DMP1: variants seen among roughly 807,000 people sequenced by gnomAD.
DMP1 encodes the protein dentin matrix acidic phosphoprotein 1, also known as dentin matrix protein 1.
A neutral mutation model predicts 14.6 loss-of-function variants in DMP1; 20 were observed. The ratio of observed to expected loss-of-function variants is 1.37; its 90% confidence interval spans 0.96 to 1.99. The LOEUF (loss-of-function observed/expected upper bound fraction) is 1.99, where lower values mean the gene tolerates loss of function less well. Among genes scored for constraint, DMP1 ranks in the 30% most tolerant of loss-of-function variants. DMP1 has a pLI of 0.00. For missense variants in DMP1, 567 were observed against 620.5 expected, an observed-to-expected ratio of 0.91 and a Z score of 0.92; for synonymous variants, 197 against 215.3, an observed-to-expected ratio of 0.91 and a Z score of 0.75.
chr4:87,651,325 T>C (rs1409255668), intron 1 of DMP1, among the ~76,000 whole-genome samples: 1 of 152,168 alleles, frequency 6.6e-6, no homozygotes, highest in Non-Finnish European at 1.5e-5. Context: ...ATATTTAATT[T>C]TGGGGGCACC....
Position 87,662,276 on chromosome 4 carries a change from G to A in DMP1, c.498G>A (p.Arg166=), listed in dbSNP as rs201100267. Reference sequence around the variant, plus strand: ...CCCAAGATACCACCAGTGAGAGCAGGGAACTTGACAATGAGGACCGGGTGG... The same window carrying A: ...CCCAAGATACCACCAGTGAGAGCAGAGAACTTGACAATGAGGACCGGGTGG... ...DSAQDTTSES[R]ELDNEDRVDS... The change falls in exon 6 of 6, where the codon AGG becomes AGA. Residue 166 remains arginine, a synonymous_variant. Coordinates refer to ENST00000339673, the MANE Select transcript of DMP1 (RefSeq NM_004407.4). 2 of 1,614,108 alleles carry A rather than the reference G, an allele frequency of 1.2e-6. No individual in the cohort carries two copies. Among genetic ancestry groups the A allele is most frequent in the East Asian group, 4.5e-5 (2 of 44,864 alleles).
At chr4:87,653,474 G>C (rs1223193041) in intron 1 of DMP1, among the ~76,000 whole-genome samples, 2 of 136,020 alleles carry the variant, frequency 1.5e-5, no homozygotes, top group Non-Finnish European at 3.1e-5. Context: ...CACCCAAACA[G>C]GTGTGGAGTG....
At position 87,662,406 on chromosome 4, in the gene DMP1, T is replaced by G. The variant is rs746483833; in HGVS notation, c.628T>G (p.Leu210Val). 1 of 1,613,280 alleles carries G rather than the reference T, an allele frequency of 6.2e-7. No individual in the cohort carries two copies. Among genetic ancestry groups the G allele is most frequent in the Non-Finnish European group, 8.5e-7 (1 of 1,179,820 alleles). The change falls in exon 6 of 6, where the codon TTG (leucine) becomes GTG (valine). Residue 210 changes from leucine to valine, a missense_variant. Physicochemically the swap from Leu to Val is conservative, Grantham distance 32. Coordinates refer to ENST00000339673, the MANE Select transcript of DMP1 (RefSeq NM_004407.4). The stretch of plus-strand genomic sequence containing the variant: ...GAGCAGCCATGGAGACGGCTCCGAG[T>G]TGGACGATGAGGGAATGCAGAGTGA... ...GESSHGDGSELDDEGMQSDDP... is the reference protein window; with the variant it reads ...GESSHGDGSEVDDEGMQSDDP...
rs181490843 is a variant in DMP1, at chr4:87,657,029, T to G, written c.55-3T>G. 1.9e-4 allele frequency: 298 copies of G among 1,534,784 alleles called. No homozygotes were observed. The Middle Eastern group carries it at 9.7e-3, about 50-fold the overall frequency. On this transcript the variant is annotated splice_region_variant and splice_polypyrimidine_tract_variant and intron_variant, in intron 2 of 5. Coordinates refer to ENST00000339673, the MANE Select transcript of DMP1 (RefSeq NM_004407.4). ...GATTTACCATGTGTACTAAATTTTCTAGGTAACCAGGTATCAAAATAATGA... is the reference window on the plus strand; with the variant it reads ...GATTTACCATGTGTACTAAATTTTCGAGGTAACCAGGTATCAAAATAATGA...
intron 1 of DMP1, among the ~76,000 whole-genome samples, chr4:87,653,418 T>C (rs1438521479): frequency 1.7e-5 from 2 of 118,464 alleles, no homozygotes; most frequent in African/African-American, 8.1e-5. Flanking sequence ...TATATATATA[T>C]ATATATATAT....
In DMP1 at chr4:87,664,280, G is replaced by A. The variant is rs964782195; in HGVS notation, c.*960G>A. 8.5e-5 allele frequency: 13 copies of A among 152,594 alleles called. No individual in the cohort carries two copies. Among genetic ancestry groups the A allele is most frequent in the Admixed American group, 2.0e-4 (3 of 15,294 alleles). 9.5% of individuals were successfully genotyped at this position (152,594 alleles called of 1,614,324 possible). Reference sequence around the variant, plus strand: ...AAAATTCTGTATGTAAGATTCAATTGATTTTTGACAAATACCATTTGAAAT... The same window carrying A: ...AAAATTCTGTATGTAAGATTCAATTAATTTTTGACAAATACCATTTGAAAT... On this transcript the variant is annotated 3_prime_UTR_variant, in exon 6 of 6. Coordinates refer to ENST00000339673, the MANE Select transcript of DMP1 (RefSeq NM_004407.4).
rs1204228958 is a variant in DMP1 at position 87,656,488 on chromosome 4, C to A, written c.-5C>A. On this transcript the variant is annotated 5_prime_UTR_variant, in exon 2 of 6. Coordinates refer to ENST00000339673, the MANE Select transcript of DMP1 (RefSeq NM_004407.4). The stretch of plus-strand genomic sequence containing the variant: ...TCATTCCAGGTAGAGGTATCACACC[C>A]AACTATGAAGATCAGCATCCTGCTC... 6.2e-7 allele frequency: 1 copy of A among 1,602,988 alleles called. No homozygotes were observed. Among genetic ancestry groups the A allele is most frequent in the Non-Finnish European group, 8.5e-7 (1 of 1,169,966 alleles).
At chr4:87,652,792 C>T (rs557508333) in intron 1 of DMP1, among the ~76,000 whole-genome samples, 2 of 152,248 alleles carry the variant, frequency 1.3e-5, no homozygotes, top group South Asian at 2.1e-4. Flanking sequence ...TCTGTCAAGG[C>T]TCTAACATTT....
In DMP1 at chr4:87,662,755, C is replaced by A. The variant is rs1400455303; in HGVS notation, c.977C>A (p.Ser326Tyr). ...DSQEDSKENL[S>Y]QEESQNVDGP... ...CAAGAAGACAGCAAGGAGAATCTGT[C>A]CCAGGAAGAGAGCCAAAACGTAGAT... is the stretch of plus-strand genomic sequence containing the variant. Residue 326 changes from serine to tyrosine, a missense_variant, in exon 6 of 6, where the codon TCC (serine) becomes TAC (tyrosine). Physicochemically the swap from Ser to Tyr is moderately radical, Grantham distance 144. Coordinates refer to ENST00000339673, the MANE Select transcript of DMP1 (RefSeq NM_004407.4). 1.2e-6 allele frequency: 2 copies of A among 1,613,878 alleles called. No individual in the cohort carries two copies. The highest frequency in any genetic ancestry group is 3.3e-5 in the Admixed American group (2 of 59,982).
Position 87,664,144 on chromosome 4 carries a change from A to T in DMP1, c.*824A>T, listed in dbSNP as rs886139743. On this transcript the variant is annotated 3_prime_UTR_variant, in exon 6 of 6. Transcript: ENST00000339673. The stretch of plus-strand genomic sequence containing the variant: ...TGATAAGAAGGATTGGGTCAGGAAG[A>T]GTGGGAGAAAGAAATTCCTCTTTAC... The T allele has an allele frequency of 2.0e-5, 3 of 152,352 alleles. No homozygotes were observed. The East Asian group carries it at 5.8e-4, about 29-fold the overall frequency. 9.4% of individuals were successfully genotyped at this position (152,352 alleles called of 1,614,324 possible).
In DMP1 at chr4:87,664,064, CAT is replaced by C. The variant is rs1491470862; in HGVS notation, c.*745_*746del. On this transcript the variant is annotated 3_prime_UTR_variant, in exon 6 of 6. Transcript: ENST00000339673. ...TCTCCCAATTAATTTACCAATTCAT[CAT>C]TTTTTTTTTTTTGTAGAACTCCCAT... 1.6e-5 allele frequency: 1 copy of C among 63,878 alleles called. No individual in the cohort carries two copies. Among genetic ancestry groups the C allele is most frequent in the African/African-American group, 9.5e-5 (1 of 10,536 alleles). The allele number at this position is 63,878 out of a possible 1,614,324, so 4.0% of individuals were successfully genotyped here. A position where few individuals can be genotyped will look rare whatever the true frequency, so the allele number is the denominator to read the frequency against.
Position 87,663,352 on chromosome 4 carries a change from A to G in DMP1, c.*32A>G, listed in dbSNP as rs1163491054. 1.2e-6 allele frequency: 2 copies of G among 1,614,130 alleles called. No individual in the cohort carries two copies. Among genetic ancestry groups the G allele is most frequent in the East Asian group, 2.2e-5 (1 of 44,880 alleles). Reference sequence around the variant, plus strand: ...CTGTCCTAAGAAGCAGTTGTCACATAAAGGAGTCTTAGGGACTTGAAAATG... The same window carrying G: ...CTGTCCTAAGAAGCAGTTGTCACATGAAGGAGTCTTAGGGACTTGAAAATG... On this transcript the variant is annotated 3_prime_UTR_variant, in exon 6 of 6. Coordinates refer to ENST00000339673, the MANE Select transcript of DMP1 (RefSeq NM_004407.4).
In DMP1 at chr4:87,659,476, C is replaced by A; in HGVS notation, c.181C>A (p.Gln61Lys). The A allele has an allele frequency of 6.2e-7, 1 of 1,613,700 alleles. No homozygotes were observed. Among genetic ancestry groups the A allele is most frequent in the Non-Finnish European group, 8.5e-7 (1 of 1,179,708 alleles). The change falls in exon 5 of 6, where the codon CAG (glutamine) becomes AAG (lysine). Residue 61 changes from glutamine (Q) to lysine (K), a missense_variant and splice_region_variant. Physicochemically the swap from Gln to Lys is moderately conservative, Grantham distance 53. Transcript: ENST00000339673. ...SEGSKVSSEE[Q>K]ANEDPSDSTQ... ...AGGCAGTAAAGTTAGCTCAGAGGAA[C>A]AGGTAATTAAACAGACCTTTCTTAA...
At chr4:87,655,770 A>G (rs1188208757) in intron 1 of DMP1, among the ~76,000 whole-genome samples, 1 of 152,118 alleles carries the variant, frequency 6.6e-6, no homozygotes, top group Admixed American at 6.6e-5. Context: ...TTTTAGGGAG[A>G]ATACATTTGC....
rs200882371 is a variant in DMP1, at chr4:87,662,774, C to T, written c.996C>T (p.Asn332=). The T allele has an allele frequency of 9.3e-6, 15 of 1,613,686 alleles. No individual in the cohort carries two copies. Among genetic ancestry groups the T allele is most frequent in the South Asian group, 3.3e-5 (3 of 91,062 alleles). ...ATCTGTCCCAGGAAGAGAGCCAAAA[C>T]GTAGATGGTCCCAGCAGTGAGTCCA... ...KENLSQEESQ[N]VDGPSSESSQ... is the part of the protein sequence containing the mutation. The change falls in exon 6 of 6, where the codon AAC becomes AAT. Residue 332 remains asparagine (N), a synonymous_variant. Transcript: ENST00000339673.
In DMP1 at chr4:87,663,716, C is replaced by T; in HGVS notation, c.*396C>T. On this transcript the variant is annotated 3_prime_UTR_variant, in exon 6 of 6. Transcript: ENST00000339673. ...CCTGAGGAGCGTATAGAAGGACCCA[C>T]AAAGCTACAGAGTTAAAGAGGGATA... 3.2e-6 allele frequency: 1 copy of T among 314,296 alleles called. No homozygotes were observed. The highest frequency in any genetic ancestry group is 3.0e-5 in the South Asian group (1 of 33,638). 19.5% of individuals were successfully genotyped at this position (314,296 alleles called of 1,614,324 possible).
chr4:87,658,331 A>T (rs1728758654), intron 3 of DMP1, among the ~76,000 whole-genome samples: 1 of 152,236 alleles, frequency 6.6e-6, no homozygotes, highest in African/African-American at 2.4e-5. Context: ...TCCACACAGG[A>T]CTTTGCCCTC....
At chr4:87,660,808 G>A (rs1728839858) in intron 5 of DMP1, 1 of 152,198 alleles carries the variant, frequency 6.6e-6, no homozygotes, top group Non-Finnish European at 1.5e-5. Context: ...TAACGAGGTA[G>A]AAACATGGTT....
intron 1 of DMP1, among the ~76,000 whole-genome samples, 168 bp from the exon 2 acceptor site, chr4:87,656,304 C>T (rs1466134766): frequency 6.6e-6 from 1 of 152,164 alleles, no homozygotes; most frequent in Non-Finnish European, 1.5e-5. Context: ...TACTTCATTC[C>T]TCTTTATGGT....
Sources: gnomAD v4.1 joint callset for allele counts (sites outside exome capture counted in the v4.1 genomes callset) on GRCh38, gnomAD v4.1.1 for gene constraint, MANE v1.5 for transcripts, NCBI Gene and HGNC (gene_info 2026-07-23, HGNC 2026-07-21) for gene names.